Variants in LARGE1 observed in about 807,000 individuals in gnomAD.
The protein encoded by LARGE1 is xylosyl- and glucuronyltransferase LARGE1.
In LARGE1, 43 loss-of-function variants were observed where a neutral mutation model predicts 87.6. The ratio of observed to expected loss-of-function variants is 0.49; its 90% CI spans 0.38 to 0.63. The LOEUF (loss-of-function observed/expected upper bound fraction) is 0.63. Among genes scored for constraint, LARGE1 ranks in the 30% least tolerant of loss-of-function variants. LARGE1 has a pLI of 0.00. For synonymous variants in LARGE1, 434 were observed against 394.6 expected (o/e 1.10, Z -1.18); for missense variants, 802 against 1,000.2 (o/e 0.80, Z 2.67).
intron 11 of LARGE1, among the ~76,000 whole-genome samples, chr22:33,210,352 G>A (rs139420048): frequency 0.022 from 3,363 of 152,322 alleles, 64 homozygotes; most frequent in Admixed American, 0.048. Flanking sequence ...TGAAGTTAGC[G>A]TCTTAATGGT....
At chr22:33,395,510 C>CT (rs1202069179) in intron 7 of LARGE1, among the ~76,000 whole-genome samples, 3 of 152,154 alleles carry the variant, frequency 2.0e-5, no homozygotes, top group Admixed American at 6.5e-5. Flanking sequence ...CTCTTTAAAA[C>CT]TTTTTTAGCA....
At chr22:33,427,862 A>C (rs1419032142) in intron 7 of LARGE1, among the ~76,000 whole-genome samples, 2 of 152,268 alleles carry the variant, frequency 1.3e-5, no homozygotes, top group Non-Finnish European at 2.9e-5. Context: ...CACAGAACTC[A>C]AAAGCAACAA....
chr22:33,395,799 G>C (rs2065721583), intron 7 of LARGE1, among the ~76,000 whole-genome samples: 1 of 152,206 alleles, frequency 6.6e-6, no homozygotes, highest in Admixed American at 6.5e-5. Context: ...CATTCTGTAG[G>C]ATGCTAGTAA....
At chr22:33,619,554 C>CAAAAAAAA (rs553269111) in intron 4 of LARGE1, among the ~76,000 whole-genome samples, 11 of 58,704 alleles carry the variant, frequency 1.9e-4, no homozygotes, top group East Asian at 6.1e-4. Context: ...GACTCTGTCT[C>CAAAAAAAA]AAAAAAAAAA....
chr22:33,228,946 A>G (rs755611092), intron 11 of LARGE1, among the ~76,000 whole-genome samples: 2 of 152,222 alleles, frequency 1.3e-5, no homozygotes, highest in Non-Finnish European at 2.9e-5. Flanking sequence ...GGAACCTTGA[A>G]ATGCCATTCC....
intron 6 of LARGE1, among the ~76,000 whole-genome samples, chr22:33,486,518 C>CAG (rs2069580960): frequency 6.9e-6 from 1 of 144,952 alleles, no homozygotes; most frequent in East Asian, 2.0e-4. Context: ...ACAGAAGAGA[C>CAG]AGAGAGAGAG....
At chr22:33,409,071 T>C (rs1016109678) in intron 7 of LARGE1, among the ~76,000 whole-genome samples, 10 of 152,216 alleles carry the variant, frequency 6.6e-5, no homozygotes, top group East Asian at 1.9e-4. Context: ...TCTTGGATAA[T>C]TGTCTTCATG....
At chr22:33,863,922 G>A (rs2267308) in intron 1 of LARGE1, among the ~76,000 whole-genome samples, 27,679 of 152,178 alleles carry the variant, frequency 0.18, 2,700 homozygotes, top group Admixed American at 0.31. Flanking sequence ...TCACTTGAAG[G>A]CAAAGTCATT....
intron 7 of LARGE1, among the ~76,000 whole-genome samples, chr22:33,431,503 A>C (rs762143017): frequency 1.3e-5 from 2 of 152,112 alleles, no homozygotes; most frequent in Non-Finnish European, 2.9e-5. Context: ...TGCCAGGCAC[A>C]TGTGGTCCTC....
At chr22:33,501,165 C>T (rs1451319153) in intron 6 of LARGE1, among the ~76,000 whole-genome samples, 1 of 152,168 alleles carries the variant, frequency 6.6e-6, no homozygotes, top group Non-Finnish European at 1.5e-5. Flanking sequence ...GAGTCATACT[C>T]AGAAGGAGAG....
In LARGE1 at chr22:33,630,298, A is replaced by G. The variant is rs79984778; in HGVS notation, c.409-3972T>C. 3.9e-3 allele frequency among the ~76,000 whole-genome samples: 588 copies of G among 152,304 alleles called. 4 individuals are homozygous for G. The highest frequency in any genetic ancestry group is 0.014 in the African/African-American group (571 of 41,564). The stretch of plus-strand genomic sequence containing the variant: ...AGAATCAGTGACCACTGGTCCTTGC[A>G]CTAGGCCTTCCTGTCTACACCTGAA... On this transcript the variant is annotated intron_variant, in intron 3 of 14. Coordinates refer to ENST00000397394, the MANE Select transcript of LARGE1 (RefSeq NM_133642.5).
At chr22:33,193,095 T>C (rs1923872632) in intron 11 of LARGE1, among the ~76,000 whole-genome samples, 2 of 152,136 alleles carry the variant, frequency 1.3e-5, no homozygotes, top group South Asian at 2.1e-4. Context: ...TGTGTGTGTA[T>C]GTGTATGTGT....
intron 7 of LARGE1, among the ~76,000 whole-genome samples, chr22:33,405,106 T>C (rs2066052305): frequency 6.6e-6 from 1 of 152,222 alleles, no homozygotes; most frequent in African/African-American, 2.4e-5. Flanking sequence ...TTTCTTTCTT[T>C]CTTTCTAGGG....
intron 2 of LARGE1, among the ~76,000 whole-genome samples, chr22:33,691,179 GTT>G (rs1440678506): frequency 6.6e-6 from 1 of 151,976 alleles, no homozygotes; most frequent in Non-Finnish European, 1.5e-5. Context: ...CTGGGCAACT[GTT>G]TTCCAAAGTC....
chr22:33,707,810 T>C (rs142086426), intron 2 of LARGE1, among the ~76,000 whole-genome samples: 1 of 152,310 alleles, frequency 6.6e-6, no homozygotes, highest in East Asian at 1.9e-4. Flanking sequence ...ATGATTTTAG[T>C]AGCACTGTGA....
At chr22:33,713,353 T>C (rs2082798716) in intron 2 of LARGE1, among the ~76,000 whole-genome samples, 1 of 152,180 alleles carries the variant, frequency 6.6e-6, no homozygotes, top group African/African-American at 2.4e-5. Flanking sequence ...AATGTATCCC[T>C]AAACAGCCTT....
At chr22:33,717,241 G>A (rs981899960) in intron 2 of LARGE1, among the ~76,000 whole-genome samples, 1 of 152,010 alleles carries the variant, frequency 6.6e-6, no homozygotes, top group Non-Finnish European at 1.5e-5. Context: ...AGTGCACCAT[G>A]TATTTATTGA....
chr22:33,199,142 A>C (rs76226144), intron 11 of LARGE1, among the ~76,000 whole-genome samples: 4,592 of 151,092 alleles, frequency 0.03, 95 homozygotes, highest in Admixed American at 0.057. Flanking sequence ...AGCCGCTTGT[A>C]TGTCTTCTTT....
chr22:33,668,586 G>A (rs759486752), intron 2 of LARGE1, among the ~76,000 whole-genome samples: 1 of 152,106 alleles, frequency 6.6e-6, no homozygotes, highest in Admixed American at 6.5e-5. Flanking sequence ...TTAGATCGGC[G>A]GAACTTGGAG....
Sources: gnomAD v4.1 joint callset for allele counts (sites outside exome capture counted in the v4.1 genomes callset) on GRCh38, gnomAD v4.1.1 for gene constraint, MANE v1.5 for transcripts, NCBI Gene and HGNC (gene_info 2026-07-23, HGNC 2026-07-21) for gene names.